PDE10A: variants seen among roughly 807,000 people sequenced by gnomAD.
PDE10A encodes the protein cAMP and cAMP-inhibited cGMP 3',5'-cyclic phosphodiesterase 10A.
A neutral mutation model predicts 97.7 loss-of-function variants in PDE10A; 39 were observed. The observed-to-expected ratio is 0.40, with a 90% confidence interval of 0.31 to 0.52. PDE10A has a LOEUF of 0.52. Ranked by LOEUF, PDE10A falls within the 20% of genes least tolerant of loss-of-function variation. PDE10A has a pLI of 0.56. For synonymous variants in PDE10A, 371 were observed against 376.8 expected, an observed-to-expected ratio of 0.98 and a Z score of 0.18; for missense variants, 731 against 1,047.8, an observed-to-expected ratio of 0.70 and a Z score of 4.17.
intron 1 of PDE10A, among the ~76,000 whole-genome samples, chr6:165,926,544 G>A (rs1782939807): frequency 6.6e-6 from 1 of 152,186 alleles, no homozygotes; most frequent in Admixed American, 6.5e-5. Flanking sequence ...AACCCTAACG[G>A]TTAGATTGGA....
At chr6:165,395,742 G>A (rs1786114328) in intron 14 of PDE10A, among the ~76,000 whole-genome samples, 1 of 152,040 alleles carries the variant, frequency 6.6e-6, no homozygotes, top group Admixed American at 6.6e-5. Flanking sequence ...TGAATAAACA[G>A]TATGGTATAA....
intron 1 of PDE10A, among the ~76,000 whole-genome samples, chr6:165,614,448 T>C (rs1562629855): frequency 6.6e-6 from 1 of 152,190 alleles, no homozygotes; most frequent in Non-Finnish European, 1.5e-5. Flanking sequence ...CAACACATCA[T>C]GCGTGCTTCT....
intron 1 of PDE10A, among the ~76,000 whole-genome samples, chr6:165,789,294 T>G (rs1255282642): frequency 1.3e-5 from 2 of 152,268 alleles, no homozygotes; most frequent in Admixed American, 6.5e-5. Flanking sequence ...TAGTCAGATT[T>G]GTACAAACAT....
intron 1 of PDE10A, among the ~76,000 whole-genome samples, chr6:165,618,100 A>C (rs1357517565): frequency 6.6e-6 from 1 of 152,204 alleles, no homozygotes; most frequent in African/African-American, 2.4e-5. Flanking sequence ...TCTGACAGCA[A>C]AAATAGGTCA....
intron 1 of PDE10A, among the ~76,000 whole-genome samples, chr6:165,734,718 G>C (rs146410555): frequency 1.3e-5 from 2 of 152,292 alleles, no homozygotes; most frequent in East Asian, 3.9e-4. Context: ...AAAGTTAAGA[G>C]ACATGGGTAC....
intron 12 of PDE10A, 66 bp downstream of exon 12, chr6:165,416,123 G>T (rs1393381662): frequency 1.4e-5 from 14 of 1,024,708 alleles, no homozygotes; most frequent in East Asian, 7.1e-5. Flanking sequence ...CTCCACGGAA[G>T]AGGTTTCAGC....
intron 1 of PDE10A, among the ~76,000 whole-genome samples, chr6:165,807,933 A>T (rs1779182312): frequency 6.6e-6 from 1 of 152,224 alleles, no homozygotes. Context: ...GTGTGTGGAC[A>T]ACTGAGAATT....
At chr6:165,433,935 T>C (rs968270388) in intron 6 of PDE10A, among the ~76,000 whole-genome samples, 3 of 141,768 alleles carry the variant, frequency 2.1e-5, no homozygotes, top group Non-Finnish European at 4.5e-5. Flanking sequence ...GAGAATGGCG[T>C]GAACCCGGGA....
In PDE10A at chr6:165,662,011, C is replaced by A; in HGVS notation, c.801G>T (p.Met267Ile). Residue 267 changes from methionine to isoleucine, a missense_variant, in exon 1 of 22, where the codon ATG becomes ATT. Around this residue, in one of 8 missense-constraint regions of PDE10A, gnomAD observed 181 missense variants for 159.1 expected, o/e 1.14. Coordinates refer to ENST00000539869, the MANE Select transcript of PDE10A (RefSeq NM_001385079.1). ...TCGCATTATTAGAAGGTCCATCTTCCATGTCGGAGCCGAAGAGCAGCGCGG... is the reference window on the plus strand; with the variant it reads ...TCGCATTATTAGAAGGTCCATCTTCAATGTCGGAGCCGAAGAGCAGCGCGG... ...AAAALLFGSD[M>I]EDGPSNNASC... is the part of the protein sequence containing the mutation. 1 of 1,495,566 alleles carries A rather than the reference C, an allele frequency of 6.7e-7. No individual in the cohort carries two copies. The allele number at this position is 1,495,566 out of a possible 1,614,324, so 92.6% of individuals were successfully genotyped here.
chr6:165,650,217 T>C (rs1295571473), intron 1 of PDE10A, among the ~76,000 whole-genome samples: 2 of 152,198 alleles, frequency 1.3e-5, no homozygotes, highest in African/African-American at 2.4e-5. Context: ...TCACCGTTAA[T>C]TCAATGCCAC....
intron 1 of PDE10A, among the ~76,000 whole-genome samples, chr6:165,855,029 G>GC (rs1360584050): frequency 8.9e-5 from 11 of 124,270 alleles, no homozygotes; most frequent in African/African-American, 2.6e-4. Context: ...ATGAATGAAT[G>GC]AATGCATGAA....
At chr6:165,515,523 C>CTTTTTTTTT (rs376897417) in intron 2 of PDE10A, among the ~76,000 whole-genome samples, 4 of 124,532 alleles carry the variant, frequency 3.2e-5, no homozygotes, top group African/African-American at 6.1e-5. Flanking sequence ...TGCTTTTGTT[C>CTTTTTTTTT]TTTTTTTTTT....
chr6:165,518,727 A>C (rs1781963454), intron 2 of PDE10A, among the ~76,000 whole-genome samples: 1 of 152,206 alleles, frequency 6.6e-6, no homozygotes, highest in African/African-American at 2.4e-5. Flanking sequence ...CAGCAGTAAG[A>C]ACAAATTTTC....
At chr6:165,858,517 C>CACT (rs1357205251) in intron 1 of PDE10A, among the ~76,000 whole-genome samples, 3 of 152,220 alleles carry the variant, frequency 2.0e-5, no homozygotes, top group Non-Finnish European at 2.9e-5. Context: ...CGTGAACGGT[C>CACT]ACTGGGGGTG....
intron 1 of PDE10A, among the ~76,000 whole-genome samples, chr6:165,866,219 T>C (rs1286302171): frequency 2.0e-5 from 3 of 152,082 alleles, no homozygotes; most frequent in African/African-American, 7.2e-5. Flanking sequence ...AATATGTGTG[T>C]GACTAAAATG....
chr6:165,411,984 A>C (rs1232860133), intron 13 of PDE10A, among the ~76,000 whole-genome samples: 3 of 152,134 alleles, frequency 2.0e-5, no homozygotes, highest in African/African-American at 7.2e-5. Context: ...CAGTTATATT[A>C]ACTATTGCTG....
intron 1 of PDE10A, among the ~76,000 whole-genome samples, chr6:165,579,719 C>T (rs1467339114): frequency 6.6e-6 from 1 of 152,172 alleles, no homozygotes; most frequent in Non-Finnish European, 1.5e-5. Flanking sequence ...AACCCTCCAA[C>T]ATCCCCTCAT....
At chr6:165,340,493 T>G (rs1045360381) in intron 19 of PDE10A, among the ~76,000 whole-genome samples, 1 of 152,222 alleles carries the variant, frequency 6.6e-6, no homozygotes, top group Admixed American at 6.5e-5. Context: ...CCACTTTAAA[T>G]TTAAAATCAG....
At chr6:165,726,720 C>T (rs573567709) in intron 1 of PDE10A, among the ~76,000 whole-genome samples, 1 of 152,354 alleles carries the variant, frequency 6.6e-6, no homozygotes, top group South Asian at 2.1e-4. Flanking sequence ...GGGGCCAAGC[C>T]GGCCCTCCCC....
Sources: gnomAD v4.1 joint callset for allele counts (sites outside exome capture counted in the v4.1 genomes callset) on GRCh38, gnomAD v4.1.1 for gene constraint, gnomAD v4.1.1 regional missense constraint, MANE v1.5 for transcripts, NCBI Gene and HGNC (gene_info 2026-07-23, HGNC 2026-07-21) for gene names.